TSC22D1: variants seen among roughly 807,000 people sequenced by gnomAD.
The protein encoded by TSC22D1 is TSC22 domain family protein 1.
TSC22D1 carries 9 observed loss-of-function variants against 74.2 expected under a neutral mutation model. The ratio of observed to expected loss-of-function variants is 0.12; its 90% CI spans 0.07 to 0.21. The LOEUF (loss-of-function observed/expected upper bound fraction) is 0.21, where lower values mean the gene tolerates loss of function less well. Among genes scored for constraint, TSC22D1 ranks in the 10% least tolerant of loss-of-function variants. The pLI, the probability that TSC22D1 is intolerant of heterozygous loss-of-function variation, is 1.00. For missense variants in TSC22D1, 1,427 were observed against 1,304.7 expected, an observed-to-expected ratio of 1.09 and a Z score of -1.44; for synonymous variants, 586 against 492.5, an observed-to-expected ratio of 1.19 and a Z score of -2.51.
intron 1 of TSC22D1, among the ~76,000 whole-genome samples, chr13:44,464,704 T>C (rs999990680): frequency 2.0e-5 from 3 of 152,234 alleles, no homozygotes; most frequent in African/African-American, 7.2e-5. Flanking sequence ...AGCTCTGCTG[T>C]ATAGCAGCAG....
chr13:44,463,031 GAA>G lies in TSC22D1; in HGVS notation c.2913-26938_2913-26937del, dbSNP rs1255773909. On this transcript the variant is annotated intron_variant, in intron 1 of 2. Coordinates refer to ENST00000458659, the MANE Select transcript of TSC22D1 (RefSeq NM_183422.4). ...AGTTTAAATCCTGCCAGTCATCAAT[GAA>G]AGAGATCACTTAATACTTTCTTTCT... is the stretch of plus-strand genomic sequence containing the variant. Among the ~76,000 whole-genome samples the G allele has an allele frequency of 2.6e-5, 4 of 152,220 alleles. No individual in the cohort carries two copies. The East Asian group carries it at 7.7e-4, about 29-fold the overall frequency.
chr13:44,492,269 T>C (rs1290075879), intron 1 of TSC22D1, among the ~76,000 whole-genome samples: 3 of 152,180 alleles, frequency 2.0e-5, no homozygotes, highest in East Asian at 3.8e-4. Flanking sequence ...TAGCCTACAA[T>C]TGGGCAAAAT....
At chr13:44,536,960 C>CAA in intron 1 of TSC22D1, 1 of 569,932 alleles carries the variant, frequency 1.8e-6, no homozygotes, top group Non-Finnish European at 2.0e-6. Flanking sequence ...AAAAAAAAAA[C>CAA]AAAAAAAACT....
At chr13:44,555,896 T>C (rs1487574377) in intron 1 of TSC22D1, among the ~76,000 whole-genome samples, 1 of 152,006 alleles carries the variant, frequency 6.6e-6, no homozygotes, top group East Asian at 1.9e-4. Flanking sequence ...ATGCTGACAC[T>C]GGGGAGAATG....
chr13:44,462,531 A>G (rs1318634820), intron 1 of TSC22D1, among the ~76,000 whole-genome samples: 2 of 152,234 alleles, frequency 1.3e-5, no homozygotes, highest in Non-Finnish European at 2.9e-5. Flanking sequence ...ACTTTCAGTT[A>G]TATGGATCAC....
In TSC22D1 at chr13:44,433,816, C is replaced by CT. The variant is rs1428368238; in HGVS notation, c.*809dup. 1 of 599,238 alleles carries CT rather than the reference C, an allele frequency of 1.7e-6. No individual in the cohort carries two copies. The highest frequency in any genetic ancestry group is 2.7e-6 in the Non-Finnish European group (1 of 372,108). The allele number at this position is 599,238 out of a possible 1,614,324, so 37.1% of individuals were successfully genotyped here. A position where few individuals can be genotyped will look rare whatever the true frequency, so the allele number is the denominator to read the frequency against. On this transcript the variant is annotated 3_prime_UTR_variant, in exon 3 of 3. Coordinates refer to ENST00000458659, the MANE Select transcript of TSC22D1 (RefSeq NM_183422.4). Reference sequence around the variant, plus strand: ...TAACTGTGCCAAATTCTTAAAATTTCTTTAGGTGTGGTTTTTGTCATGTAG... The same window carrying CT: ...TAACTGTGCCAAATTCTTAAAATTTCTTTTAGGTGTGGTTTTTGTCATGTAG...
At chr13:44,566,255 A>T (rs1883366747) in intron 1 of TSC22D1, among the ~76,000 whole-genome samples, 1 of 152,210 alleles carries the variant, frequency 6.6e-6, no homozygotes. Flanking sequence ...TCGAATTGGA[A>T]AAACAGCCTT....
intron 2 of TSC22D1, among the ~76,000 whole-genome samples, chr13:44,435,479 G>A (rs1324078432): frequency 6.6e-6 from 1 of 152,192 alleles, no homozygotes; most frequent in African/African-American, 2.4e-5. Flanking sequence ...AGCCACAGGC[G>A]CTGCTCCAAT....
In TSC22D1 at chr13:44,574,165, G is replaced by T; in HGVS notation, c.1910C>A (p.Ser637Tyr). 1 of 1,614,276 alleles carries T rather than the reference G, an allele frequency of 6.2e-7. No individual in the cohort carries two copies. The highest frequency in any genetic ancestry group is 8.5e-7 in the Non-Finnish European group (1 of 1,180,048). Residue 637 changes from serine to tyrosine, a missense_variant, in exon 1 of 3, where the codon TCT becomes TAT. Ser to Tyr is a moderately radical substitution (Grantham distance 144). Transcript: ENST00000458659. ...GACATGGCCTGGGGCCATCTGTGTA[G>T]AAACCATTGGTTGCTGTTGTCCATA... ...LQYGQQQPMV[S>Y]TQMAPGHVKS...
Position 44,573,192 on chromosome 13 carries a change from C to T in TSC22D1, c.2883G>A (p.Thr961=), listed in dbSNP as rs920092342. 9.9e-6 allele frequency: 16 copies of T among 1,614,028 alleles called. No homozygotes were observed. The highest frequency in any genetic ancestry group is 1.4e-5 in the Non-Finnish European group (16 of 1,180,016). The stretch of plus-strand genomic sequence containing the variant: ...CATCCTCGCCATCCACCAGGGGTGT[C>T]GTCAGCGGTAGCACCTTCAACGGGA... ...SLFPLKVLPL[T]TPLVDGEDES... Residue 961 remains threonine, a synonymous_variant, in exon 1 of 3, where the codon ACG becomes ACA. Coordinates refer to ENST00000458659, the MANE Select transcript of TSC22D1 (RefSeq NM_183422.4).
intron 1 of TSC22D1, among the ~76,000 whole-genome samples, chr13:44,449,567 A>G (rs915854467): frequency 6.6e-6 from 1 of 152,146 alleles, no homozygotes. Context: ...ATATACCCCA[A>G]GGATTTTTAC....
At chr13:44,553,345 A>G (rs893381695) in intron 1 of TSC22D1, among the ~76,000 whole-genome samples, 1 of 147,532 alleles carries the variant, frequency 6.8e-6, no homozygotes, top group African/African-American at 2.5e-5. Flanking sequence ...CTCTAATACT[A>G]TTTTTTTTTT....
chr13:44,489,308 T>C (rs1279518694), intron 1 of TSC22D1, among the ~76,000 whole-genome samples: 1 of 151,844 alleles, frequency 6.6e-6, no homozygotes, highest in Non-Finnish European at 1.5e-5. Flanking sequence ...AGGCAAAGAT[T>C]TTTTAAACAG....
intron 1 of TSC22D1, among the ~76,000 whole-genome samples, chr13:44,517,821 GTGTGTGTGTATA>G (rs1385427568): frequency 5.2e-3 from 171 of 32,596 alleles, no homozygotes; most frequent in African/African-American, 0.018. Context: ...ATGTGTGTGT[GTGTGTGTGTATA>G]TATATATATA....
At chr13:44,557,572 T>A (rs1026031362) in intron 1 of TSC22D1, among the ~76,000 whole-genome samples, 3 of 152,250 alleles carry the variant, frequency 2.0e-5, no homozygotes, top group African/African-American at 4.8e-5. Context: ...TCATTTTTTT[T>A]ATACTTCCCC....
intron 1 of TSC22D1, among the ~76,000 whole-genome samples, chr13:44,466,461 G>A (rs967486130): frequency 2.0e-5 from 3 of 152,100 alleles, no homozygotes; most frequent in Admixed American, 1.3e-4. Context: ...TCACAGGAGG[G>A]GATATTTTAA....
chr13:44,535,613 A>C (rs1000630435), intron 1 of TSC22D1, among the ~76,000 whole-genome samples: 5 of 148,868 alleles, frequency 3.4e-5, no homozygotes, highest in African/African-American at 2.5e-5. Flanking sequence ...TTTAAACAGA[A>C]GCTACAAAAA....
At chr13:44,512,378 C>T (rs1879772948) in intron 1 of TSC22D1, among the ~76,000 whole-genome samples, 1 of 151,974 alleles carries the variant, frequency 6.6e-6, no homozygotes, top group African/African-American at 2.4e-5. Context: ...ACCGTGTTAG[C>T]CAGGATGGTC....
At chr13:44,506,430 G>T (rs539026354) in intron 1 of TSC22D1, among the ~76,000 whole-genome samples, 1 of 152,124 alleles carries the variant, frequency 6.6e-6, no homozygotes, top group Non-Finnish European at 1.5e-5. Context: ...GGAGCTGAAC[G>T]ATGATGTCAT....
Sources: allele counts gnomAD v4.1 joint callset (sites outside exome capture counted in the v4.1 genomes callset), GRCh38; gene constraint gnomAD v4.1.1; transcripts MANE v1.5; gene names NCBI Gene and HGNC (gene_info 2026-07-23, HGNC 2026-07-21).